The following RFX3 variants were observed in gnomAD, a reference collection of about 807,000 sequenced individuals.
RFX3 encodes the protein transcription factor RFX3.
RFX3 carries 14 observed loss-of-function variants against 98.6 expected under a neutral mutation model. The ratio of observed to expected loss-of-function variants is 0.14; its 90% CI spans 0.09 to 0.22. RFX3 has a LOEUF of 0.22. Among genes scored for constraint, RFX3 ranks in the 10% least tolerant of loss-of-function variants. RFX3 has a pLI of 1.00. For missense variants in RFX3, 639 were observed against 926.9 expected, an observed-to-expected ratio of 0.69 and a Z score of 4.03; for synonymous variants, 383 against 328.4, an observed-to-expected ratio of 1.17 and a Z score of -1.80.
intron 4 of RFX3, among the ~76,000 whole-genome samples, chr9:3,316,103 G>A (rs1045640553): frequency 2.6e-5 from 4 of 152,158 alleles, no homozygotes; most frequent in Non-Finnish European, 5.9e-5. Context: ...TATCGCTGAT[G>A]AACATCGATG....
At chr9:3,333,434 T>A (rs888348116) in intron 3 of RFX3, among the ~76,000 whole-genome samples, 5 of 140,560 alleles carry the variant, frequency 3.6e-5, no homozygotes, top group Non-Finnish European at 6.2e-5. Context: ...TCATAGAAAA[T>A]GTTTTTTTTT....
intron 4 of RFX3, among the ~76,000 whole-genome samples, chr9:3,312,859 C>T (rs932729090): frequency 3.3e-5 from 5 of 152,246 alleles, no homozygotes; most frequent in Admixed American, 1.3e-4. Flanking sequence ...GTAAACAAAG[C>T]GGCCTGGAAG....
chr9:3,260,631 A>C (rs1417807654), intron 13 of RFX3, among the ~76,000 whole-genome samples: 2 of 151,642 alleles, frequency 1.3e-5, no homozygotes, highest in East Asian at 3.8e-4. Flanking sequence ...TCTTTTCTGA[A>C]AAAAGATTTG....
chr9:3,365,295 CAAA>C (rs1177381806), intron 2 of RFX3, among the ~76,000 whole-genome samples: 18 of 62,504 alleles, frequency 2.9e-4, no homozygotes, highest in African/African-American at 5.9e-4. Context: ...AGACTCATCT[CAAA>C]AAAAAAAAAA....
chr9:3,504,767 TATGTA>T (rs1816595533), intron 1 of RFX3, among the ~76,000 whole-genome samples: 1 of 89,974 alleles, frequency 1.1e-5, no homozygotes, highest in African/African-American at 6.0e-5. Flanking sequence ...ATATATGCTA[TATGTA>T]TATATTGTAT....
At chr9:3,401,775 G>A (rs1033893944) in intron 1 of RFX3, among the ~76,000 whole-genome samples, 2 of 152,138 alleles carry the variant, frequency 1.3e-5, no homozygotes, top group Admixed American at 6.6e-5. Flanking sequence ...GGACACACCC[G>A]CCTGTTAACG....
intron 1 of RFX3, among the ~76,000 whole-genome samples, chr9:3,479,332 G>C (rs932856608): frequency 6.6e-6 from 1 of 151,998 alleles, no homozygotes; most frequent in African/African-American, 2.4e-5. Flanking sequence ...AGTTGATCAA[G>C]TTCTGTAATA....
chr9:3,230,332 G>A (rs1818299467), intron 15 of RFX3, among the ~76,000 whole-genome samples: 1 of 152,120 alleles, frequency 6.6e-6, no homozygotes, highest in South Asian at 2.1e-4. Flanking sequence ...TTATTTGAAA[G>A]TCTGCCCCAC....
At chr9:3,253,361 T>C (rs779378145) in intron 14 of RFX3, among the ~76,000 whole-genome samples, 1 of 152,200 alleles carries the variant, frequency 6.6e-6, no homozygotes, top group Non-Finnish European at 1.5e-5. Context: ...TGTCCAGTTG[T>C]AGGCAAACTA....
chr9:3,251,003 A>ATATC (rs1554635072), intron 14 of RFX3, among the ~76,000 whole-genome samples: 1 of 152,196 alleles, frequency 6.6e-6, no homozygotes, highest in African/African-American at 2.4e-5. Context: ...AGATATACGT[A>ATATC]CAATCGTATA....
At chr9:3,328,314 C>A (rs1416757829) in intron 4 of RFX3, among the ~76,000 whole-genome samples, 1 of 152,044 alleles carries the variant, frequency 6.6e-6, no homozygotes, top group East Asian at 1.9e-4. Flanking sequence ...GCTATAGTTA[C>A]TTTTACATTT....
At chr9:3,402,207 C>T (rs1841542423) in intron 1 of RFX3, among the ~76,000 whole-genome samples, 1 of 152,140 alleles carries the variant, frequency 6.6e-6, no homozygotes, top group African/African-American at 2.4e-5. Flanking sequence ...TGGGGTCTTT[C>T]ATCCTGAAAT....
chr9:3,267,497 A>T (rs745667861), intron 11 of RFX3, among the ~76,000 whole-genome samples: 1 of 151,948 alleles, frequency 6.6e-6, no homozygotes, highest in South Asian at 2.1e-4. Flanking sequence ...AAACAATATA[A>T]ATTTTCCCAT....
At chr9:3,315,640 A>T (rs1035070004) in intron 4 of RFX3, among the ~76,000 whole-genome samples, 1 of 152,202 alleles carries the variant, frequency 6.6e-6, no homozygotes, top group Non-Finnish European at 1.5e-5. Flanking sequence ...AGACTAATAA[A>T]GAAGAAAAGA....
chr9:3,285,718 ACTT>A (rs1826503250), intron 7 of RFX3, among the ~76,000 whole-genome samples: 1 of 151,746 alleles, frequency 6.6e-6, no homozygotes, highest in African/African-American at 2.4e-5. Flanking sequence ...AAGTTTCAGT[ACTT>A]CTTTGGTTCT....
chr9:3,485,072 A>C (rs1850143591), intron 1 of RFX3, among the ~76,000 whole-genome samples: 1 of 152,134 alleles, frequency 6.6e-6, no homozygotes, highest in African/African-American at 2.4e-5. Flanking sequence ...TGACGGTATC[A>C]CCGCACTCCA....
intron 1 of RFX3, among the ~76,000 whole-genome samples, chr9:3,471,941 T>C (rs1307275777): frequency 1.3e-5 from 2 of 152,200 alleles, no homozygotes; most frequent in African/African-American, 2.4e-5. Flanking sequence ...AATTATAGTA[T>C]AAAGACATAG....
intron 7 of RFX3, among the ~76,000 whole-genome samples, chr9:3,284,161 A>T (rs1586874959): frequency 6.6e-6 from 1 of 151,780 alleles, no homozygotes; most frequent in Admixed American, 6.6e-5. Context: ...GGCTACTGGG[A>T]TCAAACACAG....
intron 1 of RFX3, among the ~76,000 whole-genome samples, chr9:3,419,905 G>T (rs559804841): frequency 1.3e-5 from 2 of 152,260 alleles, no homozygotes; most frequent in South Asian, 2.1e-4. Flanking sequence ...ATGCAGAACT[G>T]GCTCACATGG....
Sources: allele counts gnomAD v4.1 joint callset (sites outside exome capture counted in the v4.1 genomes callset), GRCh38; gene constraint gnomAD v4.1.1; transcripts MANE v1.5; gene names NCBI Gene and HGNC (gene_info 2026-07-23, HGNC 2026-07-21).